The following SLC12A7 variants were observed in gnomAD, a reference collection of about 807,000 sequenced individuals.
SLC12A7 encodes the protein K-Cl cotransporter 4.
A neutral mutation model predicts 120.6 loss-of-function variants in SLC12A7; 100 were observed. That is an observed-to-expected ratio of 0.83 (90% CI 0.71 to 0.98). SLC12A7 has a LOEUF of 0.98. Among genes scored for constraint, SLC12A7 ranks in the 50% least tolerant of loss-of-function variants. SLC12A7 has a pLI of 0.00. For missense variants in SLC12A7, 1,373 were observed against 1,548.1 expected (o/e 0.89, Z 1.90); for synonymous variants, 760 against 678.0 (o/e 1.12, Z -1.88).
At chr5:1,114,785 C>T (rs1009632617), upstream of SLC12A7, among the ~76,000 whole-genome samples, 15 of 152,280 alleles carry the variant, frequency 9.9e-5, no homozygotes, top group Admixed American at 3.9e-4. Context: ...GAGCCACGCA[C>T]TGTCTGGTGG....
intron 11 of SLC12A7, among the ~76,000 whole-genome samples, chr5:1,078,237 G>A (rs1416993603): frequency 2.0e-5 from 3 of 152,116 alleles, no homozygotes; most frequent in African/African-American, 4.8e-5. Flanking sequence ...CTCACCTCAG[G>A]GTCGCTCTTG....
the SLC12A7 span, among the ~76,000 whole-genome samples, chr5:1,155,481 G>A: frequency 1.3e-5 from 2 of 151,378 alleles, no homozygotes; most frequent in Admixed American, 1.3e-4. Context: ...CGGACAGGGC[G>A]GGATCCCCGC....
At chr5:1,068,026 C>A (rs1419554343) in intron 17 of SLC12A7, among the ~76,000 whole-genome samples, 1 of 152,210 alleles carries the variant, frequency 6.6e-6, no homozygotes, top group East Asian at 1.9e-4. Flanking sequence ...GCCTTAGGAC[C>A]CCTTTTATGC....
rs916297620 is a variant in SLC12A7 at position 1,050,944 on chromosome 5, T to C, written c.*1416A>G. ...TGGGGCTGATTCCCTTGGGAGACCA[T>C]GCAAGCCAGACGTAGCCCAAGGCCT... On this transcript the variant is annotated 3_prime_UTR_variant, in exon 24 of 24. Coordinates refer to ENST00000264930, the MANE Select transcript of SLC12A7 (RefSeq NM_006598.3). 1.5e-5 allele frequency: 6 copies of C among 398,552 alleles called. No individual in the cohort carries two copies. The Admixed American group carries it at 1.8e-4, about 12-fold the overall frequency. The allele number at this position is 398,552 out of a possible 1,614,324, so 24.7% of individuals were successfully genotyped here.
intron 1 of SLC12A7, among the ~76,000 whole-genome samples, chr5:1,098,758 GCCCCC>G (rs1182083810): frequency 8.8e-6 from 1 of 113,624 alleles, no homozygotes; most frequent in Non-Finnish European, 2.0e-5. Flanking sequence ...TGCACACCCA[GCCCCC>G]CTCTAACCCT....
chr5:1,122,279 G>A, the SLC12A7 span, among the ~76,000 whole-genome samples: 1 of 152,188 alleles, frequency 6.6e-6, no homozygotes, highest in Non-Finnish European at 1.5e-5. Flanking sequence ...GTGCGAGGCG[G>A]GGTGGGATTT....
intron 1 of SLC12A7, among the ~76,000 whole-genome samples, chr5:1,100,818 C>T (rs1432055838): frequency 1.3e-5 from 2 of 150,760 alleles, no homozygotes; most frequent in African/African-American, 4.8e-5. Flanking sequence ...TCCGAGAAAC[C>T]GTCACAGCCA....
rs765864906 is a variant in SLC12A7, at chr5:1,081,589, G to A, written c.1285C>T (p.Pro429Ser). ...SFTLLVGIYF[P>S]SVTGIMAGSN... ...GCAGCGGGCTCACCGGTCACGGAAG[G>A]GAAGTAGATGCCAACCAGCAGGGTG... Residue 429 changes from proline (P) to serine (S), a missense_variant, in exon 9 of 24, where the codon CCT becomes TCT. Pro to Ser is a moderately conservative substitution (Grantham distance 74). Coordinates refer to ENST00000264930, the MANE Select transcript of SLC12A7 (RefSeq NM_006598.3). 6 of 1,602,352 alleles carry A rather than the reference G, an allele frequency of 3.7e-6. 1 individual carries two copies. Among genetic ancestry groups the A allele is most frequent in the Middle Eastern group, 3.3e-4 (2 of 6,034 alleles).
Position 1,083,779 on chromosome 5 carries a change from C to G in SLC12A7, c.1095G>C (p.Gln365His). Residue 365 changes from glutamine to histidine, a missense_variant, in exon 8 of 24, where the codon CAG (glutamine) becomes CAC (histidine). By Grantham distance (24) the Gln-to-His change is conservative. Coordinates refer to ENST00000264930, the MANE Select transcript of SLC12A7 (RefSeq NM_006598.3). Reference sequence around the variant, plus strand: ...CACCACTGGCCGCGCCCGGGATGCCCTGGATTTCGGTGACGTTGTTCTGGA... The same window carrying G: ...CACCACTGGCCGCGCCCGGGATGCCGTGGATTTCGGTGACGTTGTTCTGGA... ...YFIQNNVTEIQGIPGAASGVF... is the reference protein window; with the variant it reads ...YFIQNNVTEIHGIPGAASGVF... 6.2e-7 allele frequency: 1 copy of G among 1,612,720 alleles called. No individual in the cohort carries two copies. Among genetic ancestry groups the G allele is most frequent in the Non-Finnish European group, 8.5e-7 (1 of 1,179,816 alleles).
chr5:1,094,062 AGGCCCCGGCCTGGG>A, intron 2 of SLC12A7, 78 bp downstream of exon 2: 1 of 922,694 alleles, frequency 1.1e-6, no homozygotes, highest in Non-Finnish European at 1.7e-6. Context: ...GTCCTGTGGG[AGGCCCCGGCCTGGG>A]GGCCCCCAGG....
intron 6 of SLC12A7, among the ~76,000 whole-genome samples, chr5:1,086,434 G>A (rs1359712432): frequency 6.6e-6 from 1 of 152,210 alleles, no homozygotes; most frequent in Non-Finnish European, 1.5e-5. Context: ...AGGTGATGTG[G>A]GACATGCTTT....
chr5:1,057,439 G>A (rs901608400), intron 22 of SLC12A7, 32 bp downstream of exon 22: 11 of 1,581,142 alleles, frequency 7.0e-6, no homozygotes, highest in Admixed American at 6.9e-5. Flanking sequence ...GCCAGGATCT[G>A]TTCCCCCCAG....
At chr5:1,143,502 G>T in the SLC12A7 span, among the ~76,000 whole-genome samples, 1 of 152,182 alleles carries the variant, frequency 6.6e-6, no homozygotes, top group African/African-American at 2.4e-5. Context: ...TATTGGGTCA[G>T]GGCCTTCCTC....
rs754473033 is a variant in SLC12A7 at position 1,052,157 on chromosome 5, T to C, written c.*203A>G. ...GCAAGGAAATCGTCCAGCCACGCCC[T>C]GATTTGCTGAGCCTGTTAAGGCTGA... is the stretch of plus-strand genomic sequence containing the variant. On this transcript the variant is annotated 3_prime_UTR_variant, in exon 24 of 24. Coordinates refer to ENST00000264930, the MANE Select transcript of SLC12A7 (RefSeq NM_006598.3). 1 of 590,502 alleles carries C rather than the reference T, an allele frequency of 1.7e-6. No individual in the cohort carries two copies. Among genetic ancestry groups the C allele is most frequent in the Non-Finnish European group, 3.0e-6 (1 of 329,984 alleles). The allele number at this position is 590,502 out of a possible 1,614,324, so 36.6% of individuals were successfully genotyped here.
chr5:1,088,443 C>T (rs1740128697), intron 4 of SLC12A7, 83 bp from the exon 5 acceptor site: 2 of 1,433,958 alleles, frequency 1.4e-6, no homozygotes, highest in East Asian at 5.0e-5. Flanking sequence ...GGGTCTATGA[C>T]CCGGCTCCCG....
chr5:1,070,090 C>T (rs1737539018), intron 17 of SLC12A7, among the ~76,000 whole-genome samples: 1 of 27,486 alleles, frequency 3.6e-5, no homozygotes, highest in Non-Finnish European at 6.1e-5. Context: ...ACTTATGCAG[C>T]CCCCAGTGAG....
chr5:1,155,126 G>A, the SLC12A7 span, among the ~76,000 whole-genome samples: 1 of 135,714 alleles, frequency 7.4e-6, no homozygotes, highest in African/African-American at 2.8e-5. Context: ...CTCAGGCTTC[G>A]GGACCCCCGT....
At chr5:1,081,778 C>T in intron 8 of SLC12A7, 34 bp from the exon 9 acceptor site, 1 of 1,597,882 alleles carries the variant, frequency 6.3e-7, no homozygotes, top group Non-Finnish European at 8.6e-7. Context: ...GGGTTTCTGG[C>T]ACCTTCTGTG....
chr5:1,100,077 C>T (rs944789781), intron 1 of SLC12A7, among the ~76,000 whole-genome samples: 1 of 152,214 alleles, frequency 6.6e-6, no homozygotes, highest in Admixed American at 6.5e-5. Context: ...CCTACCCGGC[C>T]GGGCTGGGCT....
Sources: allele counts gnomAD v4.1 joint callset (sites outside exome capture counted in the v4.1 genomes callset), GRCh38; gene constraint gnomAD v4.1.1; transcripts MANE v1.5; gene names NCBI Gene and HGNC (gene_info 2026-07-23, HGNC 2026-07-21).